The following ATP6V0A4 variants were observed in gnomAD, a reference collection of about 807,000 sequenced individuals.
ATP6V0A4 encodes V-type proton ATPase 116 kDa subunit a 4.
ATP6V0A4 carries 86 observed loss-of-function variants against 107.3 expected under a neutral mutation model. The ratio of observed to expected loss-of-function variants is 0.80; its 90% confidence interval spans 0.67 to 0.96. The LOEUF is 0.96. Ranked by LOEUF, ATP6V0A4 falls within the 40% of genes least tolerant of loss-of-function variation. The probability of loss-of-function intolerance (pLI) is 0.00; values close to 1 mark genes in which losing one functional copy is unlikely to be tolerated. For missense variants in ATP6V0A4, 908 were observed against 1,045.6 expected, an observed-to-expected ratio of 0.87 and a Z score of 1.81; for synonymous variants, 353 against 381.4, an observed-to-expected ratio of 0.93 and a Z score of 0.87.
intron 15 of ATP6V0A4, among the ~76,000 whole-genome samples, chr7:138,737,188 A>G (rs966437874): frequency 6.9e-6 from 1 of 144,242 alleles, no homozygotes. Context: ...CCCAAATTTC[A>G]TCTTGAATTG....
At chr7:138,707,208 T>TAA (rs1491380006) in intron 21 of ATP6V0A4, among the ~76,000 whole-genome samples, 1 of 60,738 alleles carries the variant, frequency 1.6e-5, no homozygotes, top group African/African-American at 8.1e-5. Flanking sequence ...ATATAATATA[T>TAA]TATATTATAT....
At chr7:138,718,098 G>A (rs1804162082) in intron 19 of ATP6V0A4, among the ~76,000 whole-genome samples, 2 of 78,004 alleles carry the variant, frequency 2.6e-5, no homozygotes, top group African/African-American at 9.7e-5. Flanking sequence ...GAAGGAATGG[G>A]GGGCGGGGGT....
chr7:138,722,182 A>G (rs549697318), intron 18 of ATP6V0A4, 157 bp from the exon 19 acceptor site: 2 of 740,116 alleles, frequency 2.7e-6, no homozygotes, highest in Admixed American at 6.3e-5. Context: ...CAACCATTTT[A>G]TATAAGCACA....
intron 1 of ATP6V0A4, among the ~76,000 whole-genome samples, chr7:138,796,557 T>C (rs1808673095): frequency 1.3e-5 from 2 of 152,122 alleles, no homozygotes; most frequent in Admixed American, 1.3e-4. Flanking sequence ...ACACAGACGA[T>C]TCCCTCGCCT....
intron 2 of ATP6V0A4, among the ~76,000 whole-genome samples, chr7:138,780,739 A>T (rs1013183140): frequency 6.6e-6 from 1 of 152,080 alleles, no homozygotes; most frequent in East Asian, 1.9e-4. Context: ...CCTCATCTCT[A>T]TGAAAAATAA....
intron 14 of ATP6V0A4, among the ~76,000 whole-genome samples, chr7:138,740,120 G>T (rs893437941): frequency 1.3e-5 from 2 of 150,238 alleles, no homozygotes; most frequent in African/African-American, 4.9e-5. Context: ...AAAGGGAGAA[G>T]GGGGAGAGGG....
At chr7:138,788,510 A>G (rs1479478231) in intron 1 of ATP6V0A4, among the ~76,000 whole-genome samples, 1 of 152,198 alleles carries the variant, frequency 6.6e-6, no homozygotes, top group African/African-American at 2.4e-5. Flanking sequence ...TAAGAAACCA[A>G]TCCCTTGAGG....
intron 10 of ATP6V0A4, among the ~76,000 whole-genome samples, chr7:138,753,212 A>G (rs1806322411): frequency 6.6e-6 from 1 of 152,200 alleles, no homozygotes; most frequent in Non-Finnish European, 1.5e-5. Context: ...CTAATCCCAT[A>G]TGACCACTGT....
chr7:138,766,032 A>T (rs1159939802), intron 5 of ATP6V0A4, among the ~76,000 whole-genome samples: 1 of 151,270 alleles, frequency 6.6e-6, no homozygotes, highest in Non-Finnish European at 1.5e-5. Flanking sequence ...GATTACAGGC[A>T]TGAGCCACCA....
At chr7:138,707,134 A>AATATATATG (rs1803420248) in intron 21 of ATP6V0A4, among the ~76,000 whole-genome samples, 2 of 92,226 alleles carry the variant, frequency 2.2e-5, no homozygotes, top group Non-Finnish European at 4.0e-5. Flanking sequence ...TATTATATAT[A>AATATATATG]CATCAATATT....
Position 138,706,736 on chromosome 7 carries a change from C to G in ATP6V0A4, c.2430-19G>C. Reference sequence around the variant, plus strand: ...CTCAACCCTGTTGTTGAGGGGAGGCCGTGGGGTAAGAAATGGGAGATTGAA... The same window carrying G: ...CTCAACCCTGTTGTTGAGGGGAGGCGGTGGGGTAAGAAATGGGAGATTGAA... On this transcript the variant is annotated intron_variant, in intron 21 of 21. Coordinates refer to ENST00000310018, the MANE Select transcript of ATP6V0A4 (RefSeq NM_020632.3). 1 of 1,612,362 alleles carries G rather than the reference C, an allele frequency of 6.2e-7. No individual in the cohort carries two copies. Among genetic ancestry groups the G allele is most frequent in the South Asian group, 1.1e-5 (1 of 91,018 alleles).
At chr7:138,747,650 T>A in intron 12 of ATP6V0A4, 86 bp from the exon 13 acceptor site, 1 of 1,567,576 alleles carries the variant, frequency 6.4e-7, no homozygotes, top group Non-Finnish European at 8.7e-7. Flanking sequence ...CTCCACGATT[T>A]GCATGCGGGT....
chr7:138,765,435 T>G (rs894549604), intron 5 of ATP6V0A4, among the ~76,000 whole-genome samples: 2 of 152,210 alleles, frequency 1.3e-5, no homozygotes, highest in Non-Finnish European at 2.9e-5. Flanking sequence ...TGTAAAAGTA[T>G]AGCTGCATGA....
chr7:138,709,024 C>G (rs12540452), intron 21 of ATP6V0A4, among the ~76,000 whole-genome samples: 15,005 of 151,994 alleles, frequency 0.099, 917 homozygotes, highest in Middle Eastern at 0.17. Context: ...GCCTAGCAAA[C>G]ATGGGGAAAC....
chr7:138,766,219 TGG>T (rs1434877037), intron 5 of ATP6V0A4, among the ~76,000 whole-genome samples: 13 of 100,452 alleles, frequency 1.3e-4, no homozygotes, highest in African/African-American at 2.0e-4. Flanking sequence ...TTTTTTTTTT[TGG>T]AAACACAGTC....
chr7:138,792,051 G>T (rs1271859421), intron 1 of ATP6V0A4, among the ~76,000 whole-genome samples: 1 of 152,188 alleles, frequency 6.6e-6, no homozygotes, highest in Non-Finnish European at 1.5e-5. Context: ...GCTCACGCCT[G>T]TAATCCCAGC....
chr7:138,719,064 C>T (rs1052164792), intron 19 of ATP6V0A4, among the ~76,000 whole-genome samples: 3 of 151,940 alleles, frequency 2.0e-5, no homozygotes, highest in Non-Finnish European at 2.9e-5. Flanking sequence ...CATGCACCTG[C>T]GGTCCCAGCT....
At position 138,747,511 on chromosome 7, in the gene ATP6V0A4, A is replaced by G. The variant is rs762822409; in HGVS notation, c.1234T>C (p.Cys412Arg). ...PFLFAVMFGD[C>R]GHGTVMLLAA... is the part of the protein sequence containing the mutation. ...AGGAGCATCACGGTTCCATGACCAC[A>G]GTCTCCAAACATCACAGCGAACAGG... Residue 412 changes from cysteine (C) to arginine (R), a missense_variant, in exon 13 of 22, where the codon TGT becomes CGT. By Grantham distance (180) the Cys-to-Arg change is radical (BLOSUM62 -3). Coordinates refer to ENST00000310018, the MANE Select transcript of ATP6V0A4 (RefSeq NM_020632.3). 6.2e-7 allele frequency: 1 copy of G among 1,614,140 alleles called. No individual in the cohort carries two copies. Among genetic ancestry groups the G allele is most frequent in the South Asian group, 1.1e-5 (1 of 91,068 alleles).
intron 1 of ATP6V0A4, among the ~76,000 whole-genome samples, chr7:138,797,660 C>T (rs114934057): frequency 6.6e-6 from 1 of 152,062 alleles, no homozygotes; most frequent in Non-Finnish European, 1.5e-5. Flanking sequence ...CGCACTTCGA[C>T]AGCAGGTATC....
Sources: allele counts gnomAD v4.1 joint callset (sites outside exome capture counted in the v4.1 genomes callset), GRCh38; gene constraint gnomAD v4.1.1; transcripts MANE v1.5; gene names NCBI Gene and HGNC (gene_info 2026-07-23, HGNC 2026-07-21).